The following COL6A6 variants were observed in gnomAD, a reference collection of about 807,000 sequenced individuals.
COL6A6 encodes collagen alpha-6(VI) chain.
In COL6A6, 183 loss-of-function variants were observed where a neutral mutation model predicts 208.6. That is an observed-to-expected ratio of 0.88 (90% CI 0.78 to 0.99). COL6A6 has a LOEUF of 0.99. COL6A6 is among the 50% of genes least tolerant of loss of function. The pLI, the probability that COL6A6 is intolerant of heterozygous loss-of-function variation, is 0.00. For missense variants in COL6A6, 2,816 were observed against 2,815.2 expected (o/e 1.00, Z -0.01); for synonymous variants, 973 against 1,011.8 (o/e 0.96, Z 0.73).
chr3:130,627,496 A>T, intron 26 of COL6A6, 127 bp downstream of exon 26: 1 of 766,410 alleles, frequency 1.3e-6, no homozygotes, highest in Non-Finnish European at 2.3e-6. Flanking sequence ...AATATATTTC[A>T]GTAATTTATT....
chr3:130,622,109 C>T (rs912487754), intron 24 of COL6A6, among the ~76,000 whole-genome samples: 1 of 151,974 alleles, frequency 6.6e-6, no homozygotes, highest in African/African-American at 2.4e-5. Flanking sequence ...GGGATACACC[C>T]TATTGGAGCT....
intron 24 of COL6A6, 34 bp downstream of exon 24, chr3:130,621,917 G>A: frequency 6.4e-7 from 1 of 1,563,372 alleles, no homozygotes; most frequent in Non-Finnish European, 8.8e-7. Context: ...CCAAAGTTGA[G>A]GTTTTCTGCT....
Position 130,642,794 on chromosome 3 carries a change from C to G in COL6A6, c.5155-38C>G. On this transcript the variant is annotated intron_variant, in intron 29 of 36. Transcript: ENST00000358511. ...GCACACTGGCTACTGATGTGTATGT[C>G]TAGAGGCATTAAAACAATGTTTTGT... 3.1e-6 allele frequency: 5 copies of G among 1,601,908 alleles called. No individual in the cohort carries two copies. In the African/African-American group the frequency reaches 6.7e-5, roughly 21 times the overall value.
In COL6A6 at chr3:130,656,098, T is replaced by C. The variant is rs948766177; in HGVS notation, c.5734-2578T>C. Among the ~76,000 whole-genome samples, 3 of 152,344 alleles carry C rather than the reference T, an allele frequency of 2.0e-5. No individual in the cohort carries two copies. The East Asian group carries it at 5.8e-4, about 29-fold the overall frequency. On this transcript the variant is annotated intron_variant, in intron 33 of 36. Transcript: ENST00000358511. ...CCAGAGAGGGTATCACAGCCCTGACTTGAGCTCCTAGGTCTGGGCTCCCCA... is the reference window on the plus strand; with the variant it reads ...CCAGAGAGGGTATCACAGCCCTGACCTGAGCTCCTAGGTCTGGGCTCCCCA...
chr3:130,560,391 G>T lies in COL6A6; in HGVS notation c.27G>T (p.Val9=). The change falls in exon 2 of 37, where the codon GTG becomes GTT. Residue 9 remains valine (V), a synonymous_variant. Transcript: ENST00000358511. ...TGATGTTGCTAATTTTGTTCCTCGT[G>T]ATAATTTGTTCCCATATTTCTGTGA... MMLLILFL[V]IICSHISVNQ... is the part of the protein sequence containing the mutation. The T allele has an allele frequency of 6.2e-7, 1 of 1,611,740 alleles. No homozygotes were observed. Among genetic ancestry groups the T allele is most frequent in the South Asian group, 1.1e-5 (1 of 90,258 alleles).
At chr3:130,593,355 G>A in intron 17 of COL6A6, 103 bp downstream of exon 17, 1 of 906,142 alleles carries the variant, frequency 1.1e-6, no homozygotes, top group Non-Finnish European at 1.8e-6. Context: ...ACTGTTTTGT[G>A]ACAGTCATAA....
At position 130,610,687 on chromosome 3, in the gene COL6A6, A is replaced by G. The variant is rs765914459; in HGVS notation, c.4791A>G (p.Gly1597=). 39 of 1,591,236 alleles carry G rather than the reference A, an allele frequency of 2.5e-5. No homozygotes were observed. Among genetic ancestry groups the G allele is most frequent in the Non-Finnish European group, 3.2e-5 (37 of 1,168,142 alleles). ...RGEAGVKGEK[G]GVGSKGPQGP... ...AGGCTGGTGTGAAAGGAGAAAAAGG[A>G]GGTGTGGGAAGTAAAGGTCCCCAGG... Residue 1597 remains glycine, a synonymous_variant, in exon 23 of 37, where the codon GGA becomes GGG. Transcript: ENST00000358511.
At chr3:130,610,987 T>C (rs559195772) in intron 23 of COL6A6, among the ~76,000 whole-genome samples, 55 of 152,266 alleles carry the variant, frequency 3.6e-4, no homozygotes, top group African/African-American at 1.2e-3. Flanking sequence ...CTCAATTCTC[T>C]TGGGGTTTCC....
intron 33 of COL6A6, among the ~76,000 whole-genome samples, chr3:130,657,562 G>A (rs1408266493): frequency 6.6e-6 from 1 of 151,770 alleles, no homozygotes; most frequent in African/African-American, 2.4e-5. Context: ...CTAAGACTTG[G>A]CTATTTGTTT....
At chr3:130,606,024 G>T (rs2108178980) in intron 20 of COL6A6, among the ~76,000 whole-genome samples, 1 of 152,336 alleles carries the variant, frequency 6.6e-6, no homozygotes, top group East Asian at 1.9e-4. Flanking sequence ...TTCAAGATGA[G>T]ATTTGGGTGG....
chr3:130,655,123 T>C (rs1006808583), intron 33 of COL6A6, among the ~76,000 whole-genome samples: 13 of 152,270 alleles, frequency 8.5e-5, no homozygotes, highest in African/African-American at 2.6e-4. Context: ...TCCAGAATAA[T>C]GACTAGTAAT....
intron 36 of COL6A6, among the ~76,000 whole-genome samples, chr3:130,669,410 A>AC (rs2066156119): frequency 6.6e-6 from 1 of 151,476 alleles, no homozygotes; most frequent in Non-Finnish European, 1.5e-5. Flanking sequence ...TATATATATA[A>AC]ATAAAAATAA....
At chr3:130,645,042 TA>T in intron 32 of COL6A6, 40 bp downstream of exon 32, 1 of 1,587,358 alleles carries the variant, frequency 6.3e-7, no homozygotes, top group Non-Finnish European at 8.7e-7. Context: ...AATCAAGCTC[TA>T]AAATGTCATA....
chr3:130,620,010 T>C (rs1054007437), intron 23 of COL6A6, among the ~76,000 whole-genome samples: 1 of 152,140 alleles, frequency 6.6e-6, no homozygotes, highest in Non-Finnish European at 1.5e-5. Context: ...TTATAGCTAA[T>C]TGCAGCCTTG....
chr3:130,533,103 C>G (rs2062140197), intron 1 of COL6A6, among the ~76,000 whole-genome samples: 2 of 152,062 alleles, frequency 1.3e-5, no homozygotes, highest in South Asian at 2.1e-4. Context: ...GTCATTAAAG[C>G]TAACCTAGAT....
chr3:130,675,446 C>T lies in COL6A6; in HGVS notation c.*49C>T. Reference sequence around the variant, plus strand: ...TTAGGAAGCATGGTAAGACTCTGGACTTAAATAGTAACTAAATCTGCTGCC... The same window carrying T: ...TTAGGAAGCATGGTAAGACTCTGGATTTAAATAGTAACTAAATCTGCTGCC... On this transcript the variant is annotated 3_prime_UTR_variant, in exon 37 of 37. Transcript: ENST00000358511. 7.4e-7 allele frequency: 1 copy of T among 1,358,448 alleles called. No homozygotes were observed. 84.1% of individuals were successfully genotyped at this position (1,358,448 alleles called of 1,614,324 possible).
In COL6A6 at chr3:130,661,548, T is replaced by A. The variant is rs1195868839; in HGVS notation, c.5831-89T>A. 3 of 995,994 alleles carry A rather than the reference T, an allele frequency of 3.0e-6. No individual in the cohort carries two copies. In the East Asian group the frequency reaches 7.4e-5, roughly 25 times the overall value. The allele number at this position is 995,994 out of a possible 1,614,324, so 61.7% of individuals were successfully genotyped here. A position where few individuals can be genotyped will look rare whatever the true frequency, so the allele number is the denominator to read the frequency against. On this transcript the variant is annotated intron_variant, in intron 34 of 36. Transcript: ENST00000358511. ...TAGTCACTATTTTAACATCAAAGAC[T>A]ATGCAGTTTCCAAATGTCAAAATAT...
intron 1 of COL6A6, among the ~76,000 whole-genome samples, chr3:130,534,087 A>G (rs1248843152): frequency 6.6e-6 from 1 of 152,190 alleles, no homozygotes; most frequent in African/African-American, 2.4e-5. Flanking sequence ...ATTTTACGTG[A>G]AATTGCCAAA....
intron 26 of COL6A6, among the ~76,000 whole-genome samples, chr3:130,634,104 C>T (rs1302600330): frequency 1.0e-5 from 1 of 96,444 alleles, no homozygotes; most frequent in Non-Finnish European, 1.8e-5. Flanking sequence ...ATCCCTGTAG[C>T]AGCATTTCAG....
Sources: gnomAD v4.1 joint callset for allele counts (sites outside exome capture counted in the v4.1 genomes callset) on GRCh38, gnomAD v4.1.1 for gene constraint, MANE v1.5 for transcripts, NCBI Gene and HGNC (gene_info 2026-07-23, HGNC 2026-07-21) for gene names.